The following LINGO2 variants were observed in gnomAD, a reference collection of about 807,000 sequenced individuals.
The protein encoded by LINGO2 is leucine-rich repeat and immunoglobulin-like domain-containing nogo receptor-interacting protein 2.
A neutral mutation model predicts 30.6 loss-of-function variants in LINGO2; 14 were observed. The observed-to-expected ratio is 0.46, with a 90% confidence interval of 0.30 to 0.72. The LOEUF is 0.72. Among genes scored for constraint, LINGO2 ranks in the 30% least tolerant of loss-of-function variants. The pLI is 0.07. For missense variants in LINGO2, 729 were observed against 751.7 expected (o/e 0.97, Z 0.35); for synonymous variants, 317 against 288.5 (o/e 1.10, Z -1.00).
chr9:28,300,187 C>A (rs1457590873), intron 3 of LINGO2, among the ~76,000 whole-genome samples: 5 of 150,032 alleles, frequency 3.3e-5, no homozygotes, highest in African/African-American at 7.4e-5. Flanking sequence ...TATGACAAAA[C>A]CCCTGATTAG....
chr9:28,981,765 T>A, the LINGO2 span, among the ~76,000 whole-genome samples: 1 of 152,138 alleles, frequency 6.6e-6, no homozygotes, highest in African/African-American at 2.4e-5. Flanking sequence ...TTATTGAGTT[T>A]CTACTACATG....
At chr9:28,514,419 T>C (rs752678971) in intron 1 of LINGO2, among the ~76,000 whole-genome samples, 3 of 152,150 alleles carry the variant, frequency 2.0e-5, no homozygotes, top group African/African-American at 4.8e-5. Context: ...GCAAAGGAAA[T>C]GTTCTTGAAG....
the LINGO2 span, among the ~76,000 whole-genome samples, chr9:28,905,328 C>G: frequency 6.9e-6 from 1 of 145,930 alleles, no homozygotes; most frequent in South Asian, 2.2e-4. Context: ...CTTCTAAACA[C>G]CAAAGAAACA....
At chr9:28,139,879 C>T (rs936961935) in intron 4 of LINGO2, among the ~76,000 whole-genome samples, 8 of 152,074 alleles carry the variant, frequency 5.3e-5, no homozygotes, top group African/African-American at 1.9e-4. Flanking sequence ...CCTTACTAAT[C>T]CTCTTGGATA....
intron 1 of LINGO2, among the ~76,000 whole-genome samples, chr9:28,632,914 GA>G (rs1827069403): frequency 8.0e-6 from 1 of 125,390 alleles, no homozygotes; most frequent in African/African-American, 3.2e-5. Flanking sequence ...AGAGAGAGAG[GA>G]GTTGATTAGG....
chr9:28,937,030 A>G, the LINGO2 span, among the ~76,000 whole-genome samples: 1 of 152,112 alleles, frequency 6.6e-6, no homozygotes, highest in Admixed American at 6.5e-5. Context: ...GATTAACAGT[A>G]TTGGCTCTAT....
chr9:29,161,927 T>G, the LINGO2 span, among the ~76,000 whole-genome samples: 1 of 151,974 alleles, frequency 6.6e-6, no homozygotes, highest in Admixed American at 6.6e-5. Context: ...AGATGTGTTT[T>G]TTTTTTTTTT....
At chr9:29,205,131 C>T in the LINGO2 span, among the ~76,000 whole-genome samples, 1 of 152,112 alleles carries the variant, frequency 6.6e-6, no homozygotes, top group Non-Finnish European at 1.5e-5. Context: ...ACCTCCGCCT[C>T]CTGGGTTCAA....
At chr9:27,992,427 A>G (rs1821443229) in intron 5 of LINGO2, among the ~76,000 whole-genome samples, 1 of 152,074 alleles carries the variant, frequency 6.6e-6, no homozygotes, top group Admixed American at 6.6e-5. Flanking sequence ...TATGTGCCAT[A>G]TTTTATGCAA....
chr9:29,137,494 CT>C, the LINGO2 span, among the ~76,000 whole-genome samples: 1 of 152,100 alleles, frequency 6.6e-6, no homozygotes, highest in South Asian at 2.1e-4. Flanking sequence ...AATCACATTA[CT>C]ACTGCTCTAG....
chr9:28,003,332 TATATAGATATA>T (rs1182242851), intron 5 of LINGO2, among the ~76,000 whole-genome samples: 3 of 135,272 alleles, frequency 2.2e-5, no homozygotes, highest in Non-Finnish European at 3.1e-5. Context: ...ACCATATAGA[TATATAGATATA>T]TAGATAGATA....
the LINGO2 span, among the ~76,000 whole-genome samples, chr9:28,790,822 T>C: frequency 6.6e-6 from 1 of 152,190 alleles, no homozygotes. Context: ...CAAAGGTATG[T>C]ATGTATAGGG....
the LINGO2 span, among the ~76,000 whole-genome samples, chr9:28,875,880 A>T: frequency 6.6e-6 from 1 of 152,104 alleles, no homozygotes; most frequent in African/African-American, 2.4e-5. Context: ...AATGCTTAAT[A>T]CATTTATGTT....
chr9:28,047,240 C>G (rs958709204), intron 4 of LINGO2, among the ~76,000 whole-genome samples: 5 of 152,106 alleles, frequency 3.3e-5, no homozygotes, highest in African/African-American at 1.2e-4. Flanking sequence ...TGGCTACCCA[C>G]CAACCTGTAG....
intron 1 of LINGO2, among the ~76,000 whole-genome samples, chr9:28,480,266 C>T (rs2135216905): frequency 6.6e-6 from 1 of 151,896 alleles, no homozygotes; most frequent in Admixed American, 6.6e-5. Flanking sequence ...ATTTGAGACC[C>T]ACCTTATGAT....
the LINGO2 span, among the ~76,000 whole-genome samples, chr9:29,083,516 G>C: frequency 0.2 from 29,953 of 151,722 alleles, 3,102 homozygotes; most frequent in African/African-American, 0.24. Flanking sequence ...CACCAACATG[G>C]CACATGTATA....
the LINGO2 span, among the ~76,000 whole-genome samples, chr9:28,773,456 T>C: frequency 2.0e-5 from 3 of 151,946 alleles, no homozygotes; most frequent in African/African-American, 4.8e-5. Flanking sequence ...GTACTATTTA[T>C]ATAAGGAAAA....
the LINGO2 span, among the ~76,000 whole-genome samples, chr9:29,169,444 T>A: frequency 3.3e-5 from 5 of 150,040 alleles, no homozygotes; most frequent in South Asian, 1.1e-3. Context: ...GAAAAAAAAA[T>A]CCCCATTAAA....
At chr9:28,195,508 A>G (rs935169145) in intron 4 of LINGO2, among the ~76,000 whole-genome samples, 6 of 149,598 alleles carry the variant, frequency 4.0e-5, no homozygotes, top group African/African-American at 1.5e-4. Context: ...ATAAACAAGA[A>G]TTTGGTAAAA....
Sources: allele counts gnomAD v4.1 joint callset (sites outside exome capture counted in the v4.1 genomes callset), GRCh38; gene constraint gnomAD v4.1.1; transcripts MANE v1.5; gene names NCBI Gene and HGNC (gene_info 2026-07-23, HGNC 2026-07-21).